The following TTLL11 variants were observed in gnomAD, a reference collection of about 807,000 sequenced individuals.
TTLL11 encodes the protein tubulin tyrosine ligase like 11.
TTLL11 carries 42 observed loss-of-function variants against 51.7 expected under a neutral mutation model. The ratio of observed to expected loss-of-function variants is 0.81; its 90% CI spans 0.64 to 1.05. The LOEUF (loss-of-function observed/expected upper bound fraction) is 1.05. Ranked by LOEUF, TTLL11 falls within the 50% of genes least tolerant of loss-of-function variation. TTLL11 has a pLI of 0.00. For missense variants in TTLL11, 799 were observed against 940.4 expected, an observed-to-expected ratio of 0.85 and a Z score of 1.97; for synonymous variants, 381 against 383.5, an observed-to-expected ratio of 0.99 and a Z score of 0.08.
At chr9:122,034,497 C>T (rs1233285544) in intron 2 of TTLL11, among the ~76,000 whole-genome samples, 1 of 152,202 alleles carries the variant, frequency 6.6e-6, no homozygotes, top group East Asian at 1.9e-4. Context: ...TCCAAACCTG[C>T]CTGAATGCCT....
chr9:121,858,201 T>C (rs4837904), intron 8 of TTLL11, among the ~76,000 whole-genome samples: 111,405 of 152,114 alleles, frequency 0.73, 41,095 homozygotes, highest in Middle Eastern at 0.82. Context: ...GAGGCACTCA[T>C]CTTGTTGATT....
At chr9:121,856,076 T>TTTG (rs1837809259) in intron 8 of TTLL11, among the ~76,000 whole-genome samples, 1 of 152,186 alleles carries the variant, frequency 6.6e-6, no homozygotes, top group Non-Finnish European at 1.5e-5. Flanking sequence ...GTCCCCACTG[T>TTTG]AATATATTTT....
rs1470911915 is a variant in TTLL11, at chr9:121,817,093, T to C, written c.*5494A>G. Reference sequence around the variant, plus strand: ...TCTGAGCTTTCAGGGAAGATGCTCGTGTGCTGGCCATTGCAAGCCCAATTC... The same window carrying C: ...TCTGAGCTTTCAGGGAAGATGCTCGCGTGCTGGCCATTGCAAGCCCAATTC... On this transcript the variant is annotated 3_prime_UTR_variant, in exon 9 of 9. Coordinates refer to ENST00000321582, the MANE Select transcript of TTLL11 (RefSeq NM_001139442.2). The C allele has an allele frequency of 6.6e-6, 1 of 152,206 alleles. No individual in the cohort carries two copies. Among genetic ancestry groups the C allele is most frequent in the African/African-American group, 2.4e-5 (1 of 41,456 alleles). 9.4% of individuals were successfully genotyped at this position (152,206 alleles called of 1,614,324 possible).
chr9:122,004,995 G>A (rs1287819018), intron 3 of TTLL11, among the ~76,000 whole-genome samples: 2 of 152,218 alleles, frequency 1.3e-5, no homozygotes, highest in Admixed American at 1.3e-4. Flanking sequence ...GGTTCTCATA[G>A]GGGCTATAGG....
intron 6 of TTLL11, among the ~76,000 whole-genome samples, chr9:121,923,865 G>C (rs892203332): frequency 3.3e-5 from 5 of 152,130 alleles, no homozygotes; most frequent in African/African-American, 1.2e-4. Flanking sequence ...TGGTTTGGCT[G>C]TGTCCCCACC....
At chr9:121,915,988 CAT>C (rs66758143) in intron 6 of TTLL11, among the ~76,000 whole-genome samples, 13,563 of 88,718 alleles carry the variant, frequency 0.15, 774 homozygotes, top group Admixed American at 0.27. Context: ...AAGACACACA[CAT>C]ACACACACAC....
intron 1 of TTLL11, among the ~76,000 whole-genome samples, chr9:122,090,096 C>A (rs879657091): frequency 3.3e-5 from 5 of 152,070 alleles, no homozygotes; most frequent in Non-Finnish European, 5.9e-5. Context: ...CTGGGGGTGA[C>A]CAGTGCAACA....
intron 1 of TTLL11, among the ~76,000 whole-genome samples, chr9:122,065,271 A>G (rs897682398): frequency 6.6e-6 from 1 of 152,170 alleles, no homozygotes; most frequent in Non-Finnish European, 1.5e-5. Flanking sequence ...AACTGGGTAG[A>G]GTTCCTCGAA....
rs373193913 is a variant in TTLL11, at chr9:121,827,864, A to C, written c.1841-4985T>G. ...ACTCAGATGATTCAAGTTACGCTGCAGGAGCAGGGCTGCTGGGGTTCCCCC... is the reference window on the plus strand; with the variant it reads ...ACTCAGATGATTCAAGTTACGCTGCCGGAGCAGGGCTGCTGGGGTTCCCCC... On this transcript the variant is annotated intron_variant, in intron 8 of 8. Transcript: ENST00000321582. Among the ~76,000 whole-genome samples the C allele has an allele frequency of 4.6e-5, 7 of 152,334 alleles. No homozygotes were observed. In the East Asian group the frequency reaches 1.2e-3, roughly 25 times the overall value.
intron 8 of TTLL11, among the ~76,000 whole-genome samples, chr9:121,835,976 T>C (rs1400266758): frequency 6.6e-6 from 1 of 152,220 alleles, no homozygotes; most frequent in East Asian, 1.9e-4. Flanking sequence ...TAACACAATC[T>C]AGGCCCTTGC....
intron 8 of TTLL11, among the ~76,000 whole-genome samples, chr9:121,852,330 G>C (rs1312510404): frequency 6.6e-6 from 1 of 152,148 alleles, no homozygotes; most frequent in Non-Finnish European, 1.5e-5. Context: ...CCATTTCAAA[G>C]GACACTGAGG....
chr9:121,936,732 T>C (rs927734108), intron 6 of TTLL11, among the ~76,000 whole-genome samples: 2 of 152,252 alleles, frequency 1.3e-5, no homozygotes, highest in Admixed American at 1.3e-4. Context: ...GAGATCATCA[T>C]GATTAACATT....
chr9:122,053,224 C>T (rs1588241162), intron 1 of TTLL11, among the ~76,000 whole-genome samples: 2 of 152,080 alleles, frequency 1.3e-5, no homozygotes, highest in Admixed American at 6.5e-5. Context: ...ATGCACTCTG[C>T]GTGTCAAAGT....
At chr9:121,874,989 A>T (rs1838516757) in intron 6 of TTLL11, among the ~76,000 whole-genome samples, 1 of 152,040 alleles carries the variant, frequency 6.6e-6, no homozygotes, top group African/African-American at 2.4e-5. Context: ...GGAAGCATAA[A>T]ATCTTACAGC....
At chr9:121,919,651 G>A (rs1416885445) in intron 6 of TTLL11, among the ~76,000 whole-genome samples, 4 of 152,114 alleles carry the variant, frequency 2.6e-5, no homozygotes, top group Non-Finnish European at 4.4e-5. Context: ...AGCTTGTCCT[G>A]CAAGTGGGGC....
chr9:122,043,152 T>C (rs1324540518), intron 1 of TTLL11, among the ~76,000 whole-genome samples: 2 of 152,164 alleles, frequency 1.3e-5, no homozygotes. Context: ...TGATTCAGGA[T>C]TTTGATGGTG....
At chr9:121,975,477 C>T (rs995871981) in intron 4 of TTLL11, among the ~76,000 whole-genome samples, 5 of 152,064 alleles carry the variant, frequency 3.3e-5, no homozygotes, top group African/African-American at 9.7e-5. Flanking sequence ...TTTGGGAGGC[C>T]GAGGCAGGCA....
chr9:121,951,128 T>A (rs116900572), intron 6 of TTLL11, among the ~76,000 whole-genome samples: 1,562 of 152,320 alleles, frequency 0.01, 15 homozygotes, highest in Middle Eastern at 0.034. Flanking sequence ...TTCCCACTAA[T>A]GATTTCTCAG....
intron 6 of TTLL11, among the ~76,000 whole-genome samples, chr9:121,909,256 T>G (rs1163499985): frequency 6.6e-6 from 1 of 152,166 alleles, no homozygotes; most frequent in Non-Finnish European, 1.5e-5. Context: ...AACAGCAAAC[T>G]GCTGATCATG....
Sources: allele counts gnomAD v4.1 joint callset (sites outside exome capture counted in the v4.1 genomes callset), GRCh38; gene constraint gnomAD v4.1.1; transcripts MANE v1.5; gene names NCBI Gene and HGNC (gene_info 2026-07-23, HGNC 2026-07-21).